Variants in ZBTB46 observed in about 807,000 individuals in gnomAD.
ZBTB46 encodes zinc finger and BTB domain-containing protein 46.
In ZBTB46, 8 loss-of-function variants were observed where a neutral mutation model predicts 44.1. That is an observed-to-expected ratio of 0.18 (90% CI 0.11 to 0.33). The LOEUF is 0.33. ZBTB46 is among the 10% of genes least tolerant of loss of function. The probability of loss-of-function intolerance (pLI) is 1.00; values close to 1 mark genes in which losing one functional copy is unlikely to be tolerated. For synonymous variants in ZBTB46, 409 were observed against 382.3 expected (o/e 1.07, Z -0.81); for missense variants, 651 against 847.7 (o/e 0.77, Z 2.88).
At position 63,746,990 on chromosome 20, in the gene ZBTB46, GTC is replaced by G. The variant is rs776700701; in HGVS notation, c.1708_1709del (p.Asp570LeufsTer12). ...CTGGGGGGCTGCGCGGCCGCGGCGA[GTC>G]TTCCTCATCCTTGTCGTCCGCCAAC... ...ALLADDKDEE[D>X]SPRPRSPPGG... On this transcript the variant is annotated frameshift_variant, in exon 5 of 5. Coordinates refer to ENST00000245663, the MANE Select transcript of ZBTB46 (RefSeq NM_001369741.1). LOFTEE classifies it high-confidence loss of function. 23 of 1,607,032 alleles carry G rather than the reference GTC, an allele frequency of 1.4e-5. No homozygotes were observed. The African/African-American group carries it at 2.5e-4, about 18-fold the overall frequency.
At chr20:63,819,586 A>G (rs2092779641) in intron 1 of ZBTB46, among the ~76,000 whole-genome samples, 1 of 152,206 alleles carries the variant, frequency 6.6e-6, no homozygotes, top group Non-Finnish European at 1.5e-5. Flanking sequence ...TCCACACTGA[A>G]GAAAGCAAAA....
At position 63,782,032 on chromosome 20, in the gene ZBTB46, A is replaced by G. The variant is rs553260785; in HGVS notation, c.938-6070T>C. Among the ~76,000 whole-genome samples the G allele has an allele frequency of 2.0e-5, 3 of 147,658 alleles. No homozygotes were observed. The East Asian group carries it at 6.0e-4, about 30-fold the overall frequency. ...AACCGGGGAGGCGGAGCTTGCAGTGAGCCGAGATGGCGCCACTGCACTCAG... is the reference window on the plus strand; with the variant it reads ...AACCGGGGAGGCGGAGCTTGCAGTGGGCCGAGATGGCGCCACTGCACTCAG... On this transcript the variant is annotated intron_variant, in intron 2 of 4. Transcript: ENST00000245663.
chr20:63,818,724 G>A (rs915546292), intron 1 of ZBTB46, among the ~76,000 whole-genome samples: 1 of 151,842 alleles, frequency 6.6e-6, no homozygotes, highest in African/African-American at 2.4e-5. Context: ...CGGGCATGGT[G>A]GCAGACACCT....
chr20:63,775,803 G>T lies in ZBTB46; in HGVS notation c.1097C>A (p.Ala366Glu). ...EKDDALHQATAVANLRAALMS... is the reference protein window; with the variant it reads ...EKDDALHQATEVANLRAALMS... ...GAGCGCCGCGCGCAGGTTGGCCACC[G>T]CGGTGGCCTGATGCAGGGCGTCGTC... The change falls in exon 3 of 5, where the codon GCG (alanine) becomes GAG (glutamate). Residue 366 changes from alanine (A) to glutamate (E), a missense_variant. Ala to Glu is a moderately radical substitution (Grantham distance 107). Transcript: ENST00000245663. The T allele has an allele frequency of 6.2e-7, 1 of 1,613,404 alleles. No homozygotes were observed. Among genetic ancestry groups the T allele is most frequent in the Non-Finnish European group, 8.5e-7 (1 of 1,179,998 alleles).
chr20:63,830,713 CCT>C (rs1399489497), intron 1 of ZBTB46, among the ~76,000 whole-genome samples: 1 of 148,776 alleles, frequency 6.7e-6, no homozygotes, highest in East Asian at 2.0e-4. Context: ...GGAAAATTCC[CCT>C]CTCGGAGGTG....
intron 1 of ZBTB46, among the ~76,000 whole-genome samples, chr20:63,809,655 A>G (rs6011140): frequency 0.18 from 27,238 of 152,178 alleles, 2,961 homozygotes; most frequent in East Asian, 0.45. Flanking sequence ...ACACGTGCTT[A>G]ACTCTGAGAA....
intron 1 of ZBTB46, among the ~76,000 whole-genome samples, chr20:63,807,901 C>T (rs1360815749): frequency 6.6e-6 from 1 of 152,212 alleles, no homozygotes; most frequent in African/African-American, 2.4e-5. Flanking sequence ...CCACCTTGTG[C>T]GGCACAGGCC....
intron 1 of ZBTB46, among the ~76,000 whole-genome samples, chr20:63,817,135 A>G (rs1415587381): frequency 6.6e-6 from 1 of 151,406 alleles, no homozygotes; most frequent in Non-Finnish European, 1.5e-5. Context: ...AAGAAAAGGA[A>G]AGGGCCAGAT....
In ZBTB46 at chr20:63,752,916, G is replaced by C. The variant is rs755417396; in HGVS notation, c.1223-55C>G. ...CAGGGCTTGGGATGTACCGCCCTGC[G>C]GCCCACAGACCACGGCTGCACGCCG... On this transcript the variant is annotated intron_variant, in intron 3 of 4. Coordinates refer to ENST00000245663, the MANE Select transcript of ZBTB46 (RefSeq NM_001369741.1). This position sits in a 1 kb window ranked among gnomAD's most constrained non-coding sequence, Gnocchi z 5.6. 25 of 1,531,452 alleles carry C rather than the reference G, an allele frequency of 1.6e-5. No homozygotes were observed. Among genetic ancestry groups the C allele is most frequent in the Middle Eastern group, 3.7e-4 (2 of 5,410 alleles). The allele number at this position is 1,531,452 out of a possible 1,614,324, so 94.9% of individuals were successfully genotyped here.
At chr20:63,785,224 C>CA (rs368838708) in intron 2 of ZBTB46, among the ~76,000 whole-genome samples, 2,191 of 96,908 alleles carry the variant, frequency 0.023, 126 homozygotes, top group African/African-American at 0.087. Flanking sequence ...GAGCGAGACT[C>CA]AAAAAAAAAA....
chr20:63,824,777 C>T (rs1164772641), intron 1 of ZBTB46, among the ~76,000 whole-genome samples: 2 of 47,232 alleles, frequency 4.2e-5, no homozygotes, highest in Non-Finnish European at 8.2e-5. Context: ...CATCACTGCA[C>T]CCCCATCTCA....
chr20:63,790,862 G>A (rs1021374388), intron 1 of ZBTB46, 72 bp from the exon 2 acceptor site: 31 of 1,448,392 alleles, frequency 2.1e-5, no homozygotes, highest in African/African-American at 2.8e-5. Context: ...CGGGCGGGGC[G>A]CAGGAGGGCC....
At chr20:63,778,769 C>G (rs565294247) in intron 2 of ZBTB46, among the ~76,000 whole-genome samples, 24 of 152,290 alleles carry the variant, frequency 1.6e-4, no homozygotes, top group African/African-American at 5.1e-4. Context: ...CCCTCGATGA[C>G]ACATCATATT....
chr20:63,828,275 A>C (rs1046348470), intron 1 of ZBTB46, among the ~76,000 whole-genome samples: 3 of 152,128 alleles, frequency 2.0e-5, no homozygotes, highest in Non-Finnish European at 2.9e-5. Flanking sequence ...ATGGCCTAAG[A>C]CCCCAGCACT....
At position 63,752,562 on chromosome 20, in the gene ZBTB46, G is replaced by T. The variant is rs2092178631; in HGVS notation, c.1398+124C>A. The T allele has an allele frequency of 5.0e-6, 6 of 1,188,434 alleles. No individual in the cohort carries two copies. The South Asian group carries it at 8.4e-5, about 17-fold the overall frequency. 73.6% of individuals were successfully genotyped at this position (1,188,434 alleles called of 1,614,324 possible). On this transcript the variant is annotated intron_variant, in intron 4 of 4. Coordinates refer to ENST00000245663, the MANE Select transcript of ZBTB46 (RefSeq NM_001369741.1). This position sits in a 1 kb window ranked among gnomAD's most constrained non-coding sequence, Gnocchi z 5.6. ...GGGCGGATCTCCCTGCCCTGCTGTC[G>T]TCCCCCCTGTGCAGAGTGGACCCGG...
At chr20:63,825,416 A>C in intron 1 of ZBTB46, among the ~76,000 whole-genome samples, 1 of 145,938 alleles carries the variant, frequency 6.9e-6, no homozygotes, top group Non-Finnish European at 1.5e-5. Flanking sequence ...AAAAAAAAAA[A>C]ACCCTCCCTC....
intron 1 of ZBTB46, among the ~76,000 whole-genome samples, chr20:63,818,496 C>T (rs561609417): frequency 6.6e-6 from 1 of 152,344 alleles, no homozygotes; most frequent in East Asian, 1.9e-4. Flanking sequence ...GTGGCCACAG[C>T]TCCAGCCAAC....
In ZBTB46 at chr20:63,789,941, G is replaced by C; in HGVS notation, c.817C>G (p.Arg273Gly). The C allele has an allele frequency of 6.2e-7, 1 of 1,614,080 alleles. No individual in the cohort carries two copies. Among genetic ancestry groups the C allele is most frequent in the Non-Finnish European group, 8.5e-7 (1 of 1,180,040 alleles). ...TGCCGGACGGTCTCTTTGTTTTTCC[G>C]ATTCTTCCTTCGGCCCGTGGGCTGC... is the stretch of plus-strand genomic sequence containing the variant. ...AWQPTGRRKN[R>G]KNKETVRHIT... The change falls in exon 2 of 5, where the codon CGG (arginine) becomes GGG (glycine). Residue 273 changes from arginine to glycine, a missense_variant. By Grantham distance (125) the Arg-to-Gly change is moderately radical. Coordinates refer to ENST00000245663, the MANE Select transcript of ZBTB46 (RefSeq NM_001369741.1).
rs2092172696 is a variant in ZBTB46, at chr20:63,752,032, C to A, written c.1398+654G>T. ...CTGCCTCTCCTCACACAGCTGCCCG[C>A]CGCGAGCTCCCCCTGCACCCTGCGC... On this transcript the variant is annotated intron_variant, in intron 4 of 4. Transcript: ENST00000245663. The surrounding 1 kb of genome is among the most constrained non-coding windows in gnomAD (Gnocchi z 5.6). 6.6e-6 allele frequency among the ~76,000 whole-genome samples: 1 copy of A among 151,926 alleles called. No individual in the cohort carries two copies. Among genetic ancestry groups the A allele is most frequent in the Admixed American group, 6.5e-5 (1 of 15,272 alleles).
Sources: allele counts gnomAD v4.1 joint callset (sites outside exome capture counted in the v4.1 genomes callset), GRCh38; gene constraint gnomAD v4.1.1; non-coding constraint Gnocchi (gnomAD v3.1); transcripts MANE v1.5; gene names NCBI Gene and HGNC (gene_info 2026-07-23, HGNC 2026-07-21).